ZNF324B: variants seen among roughly 807,000 people sequenced by gnomAD.
The protein encoded by ZNF324B is zinc finger protein 324B.
A neutral mutation model predicts 10.6 loss-of-function variants in ZNF324B; 7 were observed. That is an observed-to-expected ratio of 0.66 (90% CI 0.38 to 1.24). ZNF324B has a LOEUF of 1.24. ZNF324B is among the 50% of genes most tolerant of loss of function. The pLI is 0.02. For synonymous variants in ZNF324B, 316 were observed against 321.0 expected, an observed-to-expected ratio of 0.98 and a Z score of 0.17; for missense variants, 640 against 764.7, an observed-to-expected ratio of 0.84 and a Z score of 1.92.
Position 58,456,097 on chromosome 19 carries a change from A to G in ZNF324B, c.1153A>G (p.Ile385Val). 6.2e-7 allele frequency: 1 copy of G among 1,612,760 alleles called. No homozygotes were observed. The highest frequency in any genetic ancestry group is 8.5e-7 in the Non-Finnish European group (1 of 1,179,888). Residue 385 changes from isoleucine to valine, a missense_variant, in exon 4 of 4, where the codon ATC becomes GTC. This residue lies in a region of ZNF324B where 238 missense variants were observed against 258.0 expected (regional missense o/e 0.92). Coordinates refer to ENST00000336614, the MANE Select transcript of ZNF324B (RefSeq NM_207395.3). This position sits in a 1 kb window ranked among gnomAD's most constrained non-coding sequence, Gnocchi z 4.7. Reference protein sequence around the residue: ...GRRFCRNSHLIQHERTHTGEK... With the variant: ...GRRFCRNSHLVQHERTHTGEK... ...CCGCTTCTGCCGCAACTCGCACCTG[A>G]TCCAGCACGAGCGTACGCACACAGG...
the ZNF324B span, among the ~76,000 whole-genome samples, chr19:58,422,694 G>A: frequency 6.6e-6 from 1 of 152,102 alleles, no homozygotes; most frequent in Admixed American, 6.6e-5. Flanking sequence ...AACCAAGGAG[G>A]TGAAACACCT....
the ZNF324B span, among the ~76,000 whole-genome samples, chr19:58,420,276 C>T: frequency 1.3e-5 from 2 of 151,902 alleles, no homozygotes; most frequent in African/African-American, 2.4e-5. Flanking sequence ...AAAATTAGCC[C>T]GGCATGGTGA....
chr19:58,450,641 G>C (rs898296200), upstream of ZNF324B, among the ~76,000 whole-genome samples: 16 of 152,124 alleles, frequency 1.1e-4, no homozygotes, highest in African/African-American at 3.9e-4. Flanking sequence ...TCTACAAGTA[G>C]AATCAATTCT....
chr19:58,448,090 T>C (rs10420346), upstream of ZNF324B, among the ~76,000 whole-genome samples: 12,791 of 152,188 alleles, frequency 0.084, 1,691 homozygotes, highest in African/African-American at 0.28. Flanking sequence ...CAGATGAATA[T>C]AGTAAATTGG....
chr19:58,447,159 A>G (rs957447505), upstream of ZNF324B, among the ~76,000 whole-genome samples: 5 of 151,654 alleles, frequency 3.3e-5, no homozygotes, highest in African/African-American at 1.2e-4. Flanking sequence ...TATTTTTACT[A>G]GAGACGGAGT....
At chr19:58,440,375 T>C in the ZNF324B span, 2 of 154,724 alleles carry the variant, frequency 1.3e-5, no homozygotes, top group African/African-American at 4.8e-5. Context: ...GCCTCAGGGC[T>C]GGCCATTGGC....
At chr19:58,421,082 T>C in the ZNF324B span, among the ~76,000 whole-genome samples, 2 of 151,578 alleles carry the variant, frequency 1.3e-5, no homozygotes, top group African/African-American at 4.8e-5. Flanking sequence ...AACTTCCAGC[T>C]GTTGCCATGC....
In ZNF324B at chr19:58,455,370, C is replaced by T; in HGVS notation, c.426C>T (p.Ile142=). The T allele has an allele frequency of 6.2e-7, 1 of 1,614,220 alleles. No homozygotes were observed. Among genetic ancestry groups the T allele is most frequent in the Middle Eastern group, 1.6e-4 (1 of 6,062 alleles). Residue 142 remains isoleucine (I), a synonymous_variant, in exon 4 of 4, where the codon ATC becomes ATT. Coordinates refer to ENST00000336614, the MANE Select transcript of ZNF324B (RefSeq NM_207395.3). The surrounding 1 kb of genome is among the most constrained non-coding windows in gnomAD (Gnocchi z 7.0). The stretch of plus-strand genomic sequence containing the variant: ...GAAAACCCACGGGGGTGTCGGTGAT[C>T]TACTGGGAGAGGCTCCTGCTAGGCT... ...QERKPTGVSV[I]YWERLLLGSR...
chr19:58,437,129 C>T, the ZNF324B span: 3 of 1,614,038 alleles, frequency 1.9e-6, no homozygotes, highest in South Asian at 3.3e-5. Flanking sequence ...GCTCCCACTC[C>T]TCTTGGGAGA....
chr19:58,427,291 T>TTTTCTTTCTTTCTTTTTCTTTC, the ZNF324B span, among the ~76,000 whole-genome samples: 11 of 58,306 alleles, frequency 1.9e-4, no homozygotes, highest in South Asian at 7.3e-4. Context: ...TGCCTGGCTT[T>TTTTCTTTCTTTCTTTTTCTTTC]TTTCTTTCTT....
chr19:58,424,945 T>C, the ZNF324B span, among the ~76,000 whole-genome samples: 1 of 152,124 alleles, frequency 6.6e-6, no homozygotes, highest in South Asian at 2.1e-4. Flanking sequence ...GCAGCTTCAT[T>C]TGAGATAGTC....
the ZNF324B span, chr19:58,443,647 C>G: frequency 1.3e-5 from 2 of 152,242 alleles, no homozygotes; most frequent in Non-Finnish European, 2.9e-5. Context: ...TGGGTCGTTT[C>G]CTGGCTAGGT....
In ZNF324B at chr19:58,456,882, C is replaced by T. The variant is rs951205015; in HGVS notation, c.*303C>T. 50 of 495,504 alleles carry T rather than the reference C, an allele frequency of 1.0e-4. No individual in the cohort carries two copies. The highest frequency in any genetic ancestry group is 8.8e-5 in the Non-Finnish European group (24 of 274,058). The allele number at this position is 495,504 out of a possible 1,614,324, so 30.7% of individuals were successfully genotyped here. ...GGCCATAGGACGCCGACAAAGGCAG[C>T]GCTGCATGGTGGTGCTACTTCATGT... On this transcript the variant is annotated 3_prime_UTR_variant, in exon 4 of 4. Coordinates refer to ENST00000336614, the MANE Select transcript of ZNF324B (RefSeq NM_207395.3). The surrounding 1 kb of genome is among the most constrained non-coding windows in gnomAD (Gnocchi z 4.7).
the ZNF324B span, chr19:58,432,988 C>T: frequency 5.1e-6 from 1 of 196,746 alleles, no homozygotes; most frequent in Non-Finnish European, 1.0e-5. Context: ...CCTCAAGGCC[C>T]CTCAACCAGC....
At chr19:58,434,386 C>T in the ZNF324B span, 1 of 1,614,216 alleles carries the variant, frequency 6.2e-7, no homozygotes, top group Non-Finnish European at 8.5e-7. Flanking sequence ...GAAGGCTTTC[C>T]CACATTCATC....
At chr19:58,452,001 G>A (rs539046577) in intron 1 of ZNF324B, 2,525 of 240,994 alleles carry the variant, frequency 0.01, 49 homozygotes, top group African/African-American at 0.049. Flanking sequence ...CCGGGGGGGC[G>A]GGGGAGTCCC....
At position 58,456,974 on chromosome 19, in the gene ZNF324B, T is replaced by C. The variant is rs577819216; in HGVS notation, c.*395T>C. 5.6e-5 allele frequency: 14 copies of C among 248,464 alleles called. No individual in the cohort carries two copies. The highest frequency in any genetic ancestry group is 9.7e-5 in the Admixed American group (2 of 20,582). The allele number at this position is 248,464 out of a possible 1,614,324, so 15.4% of individuals were successfully genotyped here. A position where few individuals can be genotyped will look rare whatever the true frequency, so the allele number is the denominator to read the frequency against. ...GGGTAGGATGACCTAGAGAAACTTA[T>C]GATGTCTGCACACAAACTGGCCGCT... On this transcript the variant is annotated 3_prime_UTR_variant, in exon 4 of 4. Coordinates refer to ENST00000336614, the MANE Select transcript of ZNF324B (RefSeq NM_207395.3). This position sits in a 1 kb window ranked among gnomAD's most constrained non-coding sequence, Gnocchi z 4.7.
chr19:58,445,681 A>AATT, the ZNF324B span: 1 of 345,556 alleles, frequency 2.9e-6, no homozygotes, highest in East Asian at 8.1e-5. Flanking sequence ...TGGGCATGGT[A>AATT]ACGCCCATCT....
chr19:58,432,996 A>G, the ZNF324B span: 1 of 206,148 alleles, frequency 4.9e-6, no homozygotes, highest in Non-Finnish European at 9.7e-6. Flanking sequence ...CCCCTCAACC[A>G]GCATCGGTTC....
Sources: allele counts gnomAD v4.1 joint callset (sites outside exome capture counted in the v4.1 genomes callset), GRCh38; gene constraint gnomAD v4.1.1; regional missense constraint gnomAD v4.1.1; non-coding constraint Gnocchi (gnomAD v3.1); transcripts MANE v1.5; gene names NCBI Gene and HGNC (gene_info 2026-07-23, HGNC 2026-07-21).